The following ALKBH8 variants were observed in gnomAD, a reference collection of about 807,000 sequenced individuals.
The protein encoded by ALKBH8 is alkB homolog 8, tRNA methyltransferase.
ALKBH8 carries 36 observed loss-of-function variants against 59.8 expected under a neutral mutation model. The observed-to-expected ratio is 0.60, with a 90% CI of 0.46 to 0.79. The LOEUF (loss-of-function observed/expected upper bound fraction) is 0.79. ALKBH8 is among the 30% of genes least tolerant of loss of function. The probability of loss-of-function intolerance (pLI) is 0.00; values close to 1 mark genes in which losing one functional copy is unlikely to be tolerated. For missense variants in ALKBH8, 768 were observed against 801.0 expected, an observed-to-expected ratio of 0.96 and a Z score of 0.50; for synonymous variants, 276 against 273.6, an observed-to-expected ratio of 1.01 and a Z score of -0.09.
At position 107,504,183 on chromosome 11, in the gene ALKBH8, G is replaced by T; in HGVS notation, c.*475C>A. The T allele has an allele frequency of 3.4e-6, 1 of 292,636 alleles. No individual in the cohort carries two copies. Among genetic ancestry groups the T allele is most frequent in the East Asian group, 7.1e-5 (1 of 14,034 alleles). 18.1% of individuals were successfully genotyped at this position (292,636 alleles called of 1,614,324 possible). ...ACACCCGCTATACGTCCAGCCCTGG[G>T]CTAGTCAGGCATGGAAATAGAATGG... On this transcript the variant is annotated 3_prime_UTR_variant, in exon 12 of 12. Transcript: ENST00000428149.
intron 7 of ALKBH8, among the ~76,000 whole-genome samples, chr11:107,542,555 G>C (rs989366419): frequency 5.3e-5 from 8 of 152,084 alleles, no homozygotes; most frequent in Non-Finnish European, 1.0e-4. Flanking sequence ...CAGAAAACAT[G>C]GGATGCAATA....
chr11:107,529,259 T>C (rs954555047), intron 8 of ALKBH8, among the ~76,000 whole-genome samples: 2 of 152,174 alleles, frequency 1.3e-5, no homozygotes, highest in Non-Finnish European at 2.9e-5. Flanking sequence ...AGTTAATATA[T>C]GTAAAGTTTT....
At chr11:107,506,756 C>T (rs1246008346) in intron 11 of ALKBH8, among the ~76,000 whole-genome samples, 1 of 152,102 alleles carries the variant, frequency 6.6e-6, no homozygotes, top group Non-Finnish European at 1.5e-5. Flanking sequence ...CAGATACACA[C>T]AAGCTGAGAG....
At chr11:107,519,807 G>A (rs182193326) in intron 10 of ALKBH8, among the ~76,000 whole-genome samples, 21 of 152,084 alleles carry the variant, frequency 1.4e-4, no homozygotes, top group African/African-American at 5.1e-4. Flanking sequence ...TTGAATTCTG[G>A]TTTCAGCAAT....
intron 7 of ALKBH8, among the ~76,000 whole-genome samples, chr11:107,534,602 A>C (rs1863732540): frequency 6.6e-6 from 1 of 152,196 alleles, no homozygotes; most frequent in African/African-American, 2.4e-5. Flanking sequence ...AGCTTAAACA[A>C]GTGATTAGAA....
rs1373094833 is a variant in ALKBH8 at position 107,551,807 on chromosome 11, C to T, written c.700+1G>A. 6 of 1,531,406 alleles carry T rather than the reference C, an allele frequency of 3.9e-6. No individual in the cohort carries two copies. Among genetic ancestry groups the T allele is most frequent in the Non-Finnish European group, 5.2e-6 (6 of 1,146,188 alleles). The allele number at this position is 1,531,406 out of a possible 1,614,324, so 94.9% of individuals were successfully genotyped here. A position where few individuals can be genotyped will look rare whatever the true frequency, so the allele number is the denominator to read the frequency against. Reference sequence around the variant, plus strand: ...AAAATTTTTGAACAAGAAATACTCACCTTGCCCAGGTTCATACTGATTTAT... The same window carrying T: ...AAAATTTTTGAACAAGAAATACTCATCTTGCCCAGGTTCATACTGATTTAT... On this transcript the variant is annotated splice_donor_variant, in intron 6 of 11. Transcript: ENST00000428149. LOFTEE classifies it high-confidence loss of function.
Position 107,553,206 on chromosome 11 carries a change from G to T in ALKBH8, c.500-3C>A. On this transcript the variant is annotated splice_polypyrimidine_tract_variant and splice_region_variant and intron_variant, in intron 4 of 11. Coordinates refer to ENST00000428149, the MANE Select transcript of ALKBH8 (RefSeq NM_138775.3). ...TCTGTGTTTTAAGGATTTTTGAGCT[G>T]TGTGAAGAGAACAAAGTAAACAATT... 1 of 1,577,868 alleles carries T rather than the reference G, an allele frequency of 6.3e-7. No individual in the cohort carries two copies. The highest frequency in any genetic ancestry group is 8.6e-7 in the Non-Finnish European group (1 of 1,158,446).
chr11:107,526,189 C>T (rs949140789), intron 8 of ALKBH8, among the ~76,000 whole-genome samples: 1 of 151,882 alleles, frequency 6.6e-6, no homozygotes, highest in Non-Finnish European at 1.5e-5. Flanking sequence ...TAAGAAACTT[C>T]TAGTTTTCCA....
chr11:107,537,636 T>C (rs1863873573), intron 7 of ALKBH8, among the ~76,000 whole-genome samples: 1 of 151,860 alleles, frequency 6.6e-6, no homozygotes, highest in South Asian at 2.1e-4. Flanking sequence ...TGGGATGATC[T>C]GTGCAGCAAA....
chr11:107,522,494 A>G lies in ALKBH8; in HGVS notation c.1092T>C (p.Asp364=). The G allele has an allele frequency of 6.4e-7, 1 of 1,551,666 alleles. No homozygotes were observed. Among genetic ancestry groups the G allele is most frequent in the Non-Finnish European group, 8.7e-7 (1 of 1,146,962 alleles). ...KETPPSFPES[D]KEASRLEQEY... is the part of the protein sequence containing the mutation. ...CTTGCTCCAGCCGTGAGGCTTCTTT[A>G]TCACTCTCTGGAAATGAGGGGGGAG... The change falls in exon 10 of 12, where the codon GAT becomes GAC. Residue 364 remains aspartate (D), a synonymous_variant. Transcript: ENST00000428149.
At chr11:107,505,902 A>T (rs1862364163) in intron 11 of ALKBH8, among the ~76,000 whole-genome samples, 1 of 152,214 alleles carries the variant, frequency 6.6e-6, no homozygotes, top group African/African-American at 2.4e-5. Context: ...AAAGCAGCTG[A>T]GGGACAGAGT....
At chr11:107,553,734 C>A in intron 4 of ALKBH8, 113 bp downstream of exon 4, 2 of 1,141,292 alleles carry the variant, frequency 1.8e-6, no homozygotes, top group Non-Finnish European at 1.2e-6. Context: ...AACATTGGAT[C>A]CGGGCTAGTT....
Position 107,549,807 on chromosome 11 carries a change from A to C in ALKBH8, c.717T>G (p.Ile239Met). 1 of 1,549,212 alleles carries C rather than the reference A, an allele frequency of 6.5e-7. No homozygotes were observed. ...CATCCTCAAAAGCGGAATGTGTATC[A>C]ATATGAGCGGGAATTCCTGAGATGG... ...YEPGQGIPAH[I>M]DTHSAFEDEI... The change falls in exon 7 of 12, where the codon ATT (isoleucine) becomes ATG (methionine). Residue 239 changes from isoleucine to methionine, a missense_variant. Coordinates refer to ENST00000428149, the MANE Select transcript of ALKBH8 (RefSeq NM_138775.3).
chr11:107,506,681 T>C (rs917261809), intron 11 of ALKBH8, among the ~76,000 whole-genome samples: 1 of 152,072 alleles, frequency 6.6e-6, no homozygotes, highest in African/African-American at 2.4e-5. Context: ...GAAAACAGTG[T>C]CAATCGAGAA....
chr11:107,556,676 G>T (rs1248836219), intron 3 of ALKBH8, 90 bp downstream of exon 3: 2 of 915,470 alleles, frequency 2.2e-6, no homozygotes, highest in East Asian at 5.9e-5. Flanking sequence ...TCCTCATTTT[G>T]TTTCACAATA....
At chr11:107,553,736 G>T in intron 4 of ALKBH8, 111 bp downstream of exon 4, 1 of 1,172,052 alleles carries the variant, frequency 8.5e-7, no homozygotes, top group Non-Finnish European at 1.2e-6. Flanking sequence ...CATTGGATCC[G>T]GGCTAGTTTC....
chr11:107,546,943 G>C (rs61908197), intron 7 of ALKBH8, among the ~76,000 whole-genome samples: 38,116 of 151,944 alleles, frequency 0.25, 5,541 homozygotes, highest in East Asian at 0.47. Flanking sequence ...TTAAAGTTAA[G>C]AATACCTCAT....
chr11:107,504,422 AC>A lies in ALKBH8; in HGVS notation c.*235del. 1 of 640,110 alleles carries A rather than the reference AC, an allele frequency of 1.6e-6. No homozygotes were observed. The highest frequency in any genetic ancestry group is 2.9e-5 in the Admixed American group (1 of 35,066). The allele number at this position is 640,110 out of a possible 1,614,324, so 39.7% of individuals were successfully genotyped here. On this transcript the variant is annotated 3_prime_UTR_variant, in exon 12 of 12. Transcript: ENST00000428149. Reference sequence around the variant, plus strand: ...AAACACTGCACAAACTGCTTCAATCACTTTTAGAAACCACCTCTCCTAGGGA... The same window carrying A: ...AAACACTGCACAAACTGCTTCAATCATTTTAGAAACCACCTCTCCTAGGGA...
intron 6 of ALKBH8, among the ~76,000 whole-genome samples, chr11:107,550,806 A>G (rs1864457755): frequency 1.3e-5 from 2 of 152,186 alleles, no homozygotes; most frequent in Admixed American, 1.3e-4. Flanking sequence ...CTCCATGCAC[A>G]TGCACACACA....
Sources: allele counts gnomAD v4.1 joint callset (sites outside exome capture counted in the v4.1 genomes callset), GRCh38; gene constraint gnomAD v4.1.1; transcripts MANE v1.5; gene names NCBI Gene and HGNC (gene_info 2026-07-23, HGNC 2026-07-21).